KLF12: variants seen among roughly 807,000 people sequenced by gnomAD.
KLF12 encodes KLF transcription factor 12.
KLF12 carries 9 observed loss-of-function variants against 37.8 expected under a neutral mutation model. The observed-to-expected ratio is 0.24, with a 90% confidence interval of 0.14 to 0.42. The LOEUF (loss-of-function observed/expected upper bound fraction) is 0.42, where lower values mean the gene tolerates loss of function less well. Among genes scored for constraint, KLF12 ranks in the 10% least tolerant of loss-of-function variants. KLF12 has a pLI of 1.00. For synonymous variants in KLF12, 208 were observed against 202.1 expected (o/e 1.03, Z -0.25); for missense variants, 411 against 516.0 (o/e 0.80, Z 1.97).
chr13:73,975,940 T>TA (rs1318292830), intron 2 of KLF12, among the ~76,000 whole-genome samples: 1 of 152,164 alleles, frequency 6.6e-6, no homozygotes, highest in Non-Finnish European at 1.5e-5. Flanking sequence ...CAGAACCACA[T>TA]ACTTCCAATC....
intron 4 of KLF12, chr13:73,845,020 T>C (rs1212202632): frequency 6.6e-6 from 1 of 152,070 alleles, no homozygotes; most frequent in Non-Finnish European, 1.5e-5. Context: ...CGCAATTTCT[T>C]CTAGTAAAAT....
chr13:73,749,522 G>T (rs1878602458), intron 6 of KLF12, among the ~76,000 whole-genome samples: 1 of 152,156 alleles, frequency 6.6e-6, no homozygotes, highest in Non-Finnish European at 1.5e-5. Context: ...CATCCAGGGG[G>T]TGATGCTTTT....
chr13:73,694,276 T>C lies in KLF12; in HGVS notation c.*1214A>G, dbSNP rs529425121. On this transcript the variant is annotated 3_prime_UTR_variant, in exon 8 of 8. Coordinates refer to ENST00000377669, the MANE Select transcript of KLF12 (RefSeq NM_007249.5). Reference sequence around the variant, plus strand: ...GCCTTTCTAGTCACCAAATAACTGTTTTCAAACAAGAAAAGGGGAGCATAA... The same window carrying C: ...GCCTTTCTAGTCACCAAATAACTGTCTTCAAACAAGAAAAGGGGAGCATAA... 2.0e-5 allele frequency: 3 copies of C among 152,656 alleles called. No homozygotes were observed. Among genetic ancestry groups the C allele is most frequent in the Middle Eastern group, 3.4e-3 (1 of 294 alleles). 9.5% of individuals were successfully genotyped at this position (152,656 alleles called of 1,614,324 possible). A position where few individuals can be genotyped will look rare whatever the true frequency, so the allele number is the denominator to read the frequency against.
At chr13:73,715,640 G>A in intron 6 of KLF12, 115 bp from the exon 7 acceptor site, 5 of 1,011,016 alleles carry the variant, frequency 4.9e-6, no homozygotes, top group Non-Finnish European at 7.3e-6. Context: ...AGGCCACCAT[G>A]ACCACAGTTC....
intron 3 of KLF12, among the ~76,000 whole-genome samples, chr13:73,915,472 T>C (rs1888775697): frequency 6.6e-6 from 1 of 151,846 alleles, no homozygotes; most frequent in South Asian, 2.1e-4. Flanking sequence ...ACCCTTTCCC[T>C]GCAGTCGCTG....
chr13:74,137,184 T>C (rs1487560563), upstream of KLF12, among the ~76,000 whole-genome samples: 10 of 152,230 alleles, frequency 6.6e-5, no homozygotes, highest in African/African-American at 9.6e-5. Context: ...TAGACCTTTT[T>C]CCTCTCTACC....
chr13:74,121,752 T>C (rs528938814), intron 1 of KLF12, among the ~76,000 whole-genome samples: 2 of 152,144 alleles, frequency 1.3e-5, no homozygotes, highest in African/African-American at 4.8e-5. Context: ...AAAATATTCC[T>C]CACATATGAA....
intron 2 of KLF12, among the ~76,000 whole-genome samples, chr13:73,957,918 C>T (rs539228278): frequency 3.8e-4 from 58 of 152,246 alleles, no homozygotes; most frequent in African/African-American, 1.3e-3. Context: ...ACGTTGGATC[C>T]TTTCTAGAAG....
At chr13:73,799,520 T>G (rs1882174487) in intron 5 of KLF12, among the ~76,000 whole-genome samples, 1 of 152,066 alleles carries the variant, frequency 6.6e-6, no homozygotes, top group Admixed American at 6.6e-5. Flanking sequence ...TCACAAACAA[T>G]TTCCAATTTT....
intron 5 of KLF12, among the ~76,000 whole-genome samples, chr13:73,789,462 A>G (rs1881536240): frequency 6.6e-6 from 1 of 152,146 alleles, no homozygotes; most frequent in Non-Finnish European, 1.5e-5. Flanking sequence ...CCTGGGAGCC[A>G]GAAAACGTTC....
In KLF12 at chr13:73,888,110, C is replaced by T. The variant is rs541037684; in HGVS notation, c.124-41737G>A. ...CTTTGCACCCTAGACTCAAGCGATCCTCCCACCTCAGCCTCCCAAGTAGCT... is the reference window on the plus strand; with the variant it reads ...CTTTGCACCCTAGACTCAAGCGATCTTCCCACCTCAGCCTCCCAAGTAGCT... On this transcript the variant is annotated intron_variant, in intron 3 of 7. Coordinates refer to ENST00000377669, the MANE Select transcript of KLF12 (RefSeq NM_007249.5). 8.5e-4 allele frequency among the ~76,000 whole-genome samples: 129 copies of T among 152,056 alleles called. No individual in the cohort carries two copies. The Middle Eastern group carries it at 0.02, about 24-fold the overall frequency.
chr13:73,771,751 A>C (rs1468210701), intron 5 of KLF12, among the ~76,000 whole-genome samples: 1 of 152,246 alleles, frequency 6.6e-6, no homozygotes, highest in Non-Finnish European at 1.5e-5. Flanking sequence ...GGAAAATTAT[A>C]AGAGATTTCA....
At chr13:73,881,251 A>G (rs1211527338) in intron 3 of KLF12, among the ~76,000 whole-genome samples, 1 of 152,166 alleles carries the variant, frequency 6.6e-6, no homozygotes, top group Non-Finnish European at 1.5e-5. Context: ...GAATCATTAA[A>G]GCCTATTTTT....
chr13:74,070,336 A>G (rs1052761451), intron 1 of KLF12, among the ~76,000 whole-genome samples: 4 of 152,240 alleles, frequency 2.6e-5, no homozygotes, highest in Non-Finnish European at 5.9e-5. Context: ...TAGCCAAGAC[A>G]GAGCTTCGCA....
chr13:74,073,945 A>G (rs1290440763), intron 1 of KLF12, among the ~76,000 whole-genome samples: 1 of 152,224 alleles, frequency 6.6e-6, no homozygotes, highest in Non-Finnish European at 1.5e-5. Context: ...TAAGCTTTGC[A>G]ATCTTTCTTG....
intron 1 of KLF12, among the ~76,000 whole-genome samples, chr13:74,029,693 G>T (rs1181165709): frequency 1.3e-5 from 2 of 152,078 alleles, no homozygotes; most frequent in African/African-American, 4.8e-5. Context: ...ATCAGGATAA[G>T]TCTGGCCCCT....
At chr13:74,056,112 CA>C (rs1873228817) in intron 1 of KLF12, among the ~76,000 whole-genome samples, 1 of 151,876 alleles carries the variant, frequency 6.6e-6, no homozygotes, top group Non-Finnish European at 1.5e-5. Flanking sequence ...CTCCCAACCA[CA>C]AATGTTTTTA....
rs1294417710 is a variant in KLF12, at chr13:73,730,654, A to G, written c.870-15129T>C. ...CTGTTTGGAAAGTCAGGGCAAGCTT[A>G]ATAGAGGACACCAACAAATAAGTCT... On this transcript the variant is annotated intron_variant, in intron 6 of 7. Transcript: ENST00000377669. Among the ~76,000 whole-genome samples, 2 of 152,110 alleles carry G rather than the reference A, an allele frequency of 1.3e-5. 1 individual carries two copies. Among genetic ancestry groups the G allele is most frequent in the South Asian group, 4.2e-4 (2 of 4,808 alleles).
intron 6 of KLF12, among the ~76,000 whole-genome samples, chr13:73,734,888 A>C (rs1877336033): frequency 2.0e-5 from 3 of 152,086 alleles, no homozygotes; most frequent in African/African-American, 7.2e-5. Context: ...CCAATCAGGC[A>C]CTGTCTGACT....
Sources: allele counts gnomAD v4.1 joint callset (sites outside exome capture counted in the v4.1 genomes callset), GRCh38; gene constraint gnomAD v4.1.1; transcripts MANE v1.5; gene names NCBI Gene and HGNC (gene_info 2026-07-23, HGNC 2026-07-21).